The following HSDL1 variants were observed in gnomAD, a reference collection of about 807,000 sequenced individuals.
The protein encoded by HSDL1 is inactive hydroxysteroid dehydrogenase-like protein 1.
A neutral mutation model predicts 31.5 loss-of-function variants in HSDL1; 29 were observed. The observed-to-expected ratio is 0.92, with a 90% CI of 0.69 to 1.26. The LOEUF is 1.26. Ranked by LOEUF, HSDL1 falls within the 50% of genes most tolerant of loss-of-function variation. HSDL1 has a pLI of 0.00. For missense variants in HSDL1, 503 were observed against 416.6 expected (o/e 1.21, Z -1.81); for synonymous variants, 222 against 155.2 (o/e 1.43, Z -3.20).
Position 84,135,110 on chromosome 16 carries a change from G to A in HSDL1, c.-7+434C>T, listed in dbSNP as rs555322041. On this transcript the variant is annotated intron_variant, in intron 2 of 5. Transcript: ENST00000219439. ...TAGCAGGGCGTGGTGGCGGGCACCTGTAGTCCCAGCTACTCAGGAGGCTGA... is the reference window on the plus strand; with the variant it reads ...TAGCAGGGCGTGGTGGCGGGCACCTATAGTCCCAGCTACTCAGGAGGCTGA... 7.2e-5 allele frequency among the ~76,000 whole-genome samples: 11 copies of A among 152,218 alleles called. No individual in the cohort carries two copies. In the South Asian group the frequency reaches 2.3e-3, roughly 32 times the overall value.
intron 1 of HSDL1, among the ~76,000 whole-genome samples, chr16:84,142,970 A>G (rs750188685): frequency 6.6e-6 from 1 of 152,222 alleles, no homozygotes; most frequent in Non-Finnish European, 1.5e-5. Context: ...ACGCACAATG[A>G]AGCTGAGCCT....
At chr16:84,135,735 C>G (rs1266232921) in intron 1 of HSDL1, 130 bp from the exon 2 acceptor site, 1 of 152,290 alleles carries the variant, frequency 6.6e-6, no homozygotes, top group Non-Finnish European at 1.5e-5. Flanking sequence ...CGCCATGAAT[C>G]TCTGTAGAGG....
rs541330486 is a variant in HSDL1, at chr16:84,141,016, G to T, written c.-69+4064C>A. On this transcript the variant is annotated intron_variant, in intron 1 of 5. Transcript: ENST00000219439. Reference sequence around the variant, plus strand: ...TGAGGCAGGAGAATGGCGTGAACCCGGAAGGCGGAGCTTGCAGTGAGCGGA... The same window carrying T: ...TGAGGCAGGAGAATGGCGTGAACCCTGAAGGCGGAGCTTGCAGTGAGCGGA... 2.6e-5 allele frequency among the ~76,000 whole-genome samples: 4 copies of T among 151,044 alleles called. No individual in the cohort carries two copies. In the East Asian group the frequency reaches 7.7e-4, roughly 29 times the overall value.
intron 1 of HSDL1, among the ~76,000 whole-genome samples, chr16:84,137,840 C>T (rs1480981032): frequency 1.3e-5 from 2 of 152,230 alleles, no homozygotes; most frequent in African/African-American, 4.8e-5. Context: ...ACATTTAAGC[C>T]TAGAAGTCCA....
At chr16:84,142,778 G>C (rs921262197) in intron 1 of HSDL1, among the ~76,000 whole-genome samples, 4 of 152,102 alleles carry the variant, frequency 2.6e-5, no homozygotes, top group Admixed American at 2.6e-4. Context: ...TGCTGCTGTA[G>C]ACAACTTTAT....
intron 2 of HSDL1, among the ~76,000 whole-genome samples, chr16:84,133,346 A>G (rs780317155): frequency 9.9e-5 from 15 of 152,250 alleles, no homozygotes; most frequent in Non-Finnish European, 1.3e-4. Context: ...ATAAGGAAAC[A>G]ATCTCTCTAA....
At chr16:84,144,768 G>A (rs570337023) in intron 1 of HSDL1, among the ~76,000 whole-genome samples, 2 of 151,402 alleles carry the variant, frequency 1.3e-5, no homozygotes, top group South Asian at 2.1e-4. Flanking sequence ...GAGAGAACAG[G>A]GGTGCAGCGC....
intron 3 of HSDL1, 120 bp downstream of exon 3, chr16:84,130,982 C>A (rs1313645895): frequency 2.5e-6 from 2 of 787,940 alleles, no homozygotes; most frequent in African/African-American, 1.7e-5. Context: ...ACGGCAGGAG[C>A]CATAAGTTTT....
At chr16:84,126,989 AAG>A (rs2086613974) in intron 5 of HSDL1, among the ~76,000 whole-genome samples, 1 of 152,222 alleles carries the variant, frequency 6.6e-6, no homozygotes, top group African/African-American at 2.4e-5. Flanking sequence ...ATACATTCTC[AAG>A]GAAAGTTTAT....
At position 84,134,312 on chromosome 16, in the gene HSDL1, C is replaced by G. The variant is rs547904923; in HGVS notation, c.-7+1232G>C. 2.0e-5 allele frequency among the ~76,000 whole-genome samples: 3 copies of G among 152,102 alleles called. No homozygotes were observed. In the South Asian group the frequency reaches 6.2e-4, roughly 32 times the overall value. On this transcript the variant is annotated intron_variant, in intron 2 of 5. Transcript: ENST00000219439. ...AAAGACAGGCCCAAAACATTAATAT[C>G]CTATAAGAACATTAAAAACTGACAT...
intron 1 of HSDL1, among the ~76,000 whole-genome samples, chr16:84,144,790 G>A (rs1597385166): frequency 6.6e-6 from 1 of 150,958 alleles, no homozygotes; most frequent in Admixed American, 6.6e-5. Flanking sequence ...GCGGCGGGGG[G>A]CGTGAGGATG....
chr16:84,122,325 T>C lies in HSDL1; in HGVS notation c.*2305A>G, dbSNP rs1399853447. The C allele has an allele frequency of 6.6e-6, 1 of 152,420 alleles. No homozygotes were observed. Among genetic ancestry groups the C allele is most frequent in the African/African-American group, 2.4e-5 (1 of 41,378 alleles). 9.4% of individuals were successfully genotyped at this position (152,420 alleles called of 1,614,324 possible). A position where few individuals can be genotyped will look rare whatever the true frequency, so the allele number is the denominator to read the frequency against. On this transcript the variant is annotated 3_prime_UTR_variant, in exon 6 of 6. Transcript: ENST00000219439. ...CTACTTTTATTGTTAAACTTTCAATTCACAGATTAACTTTCAAAGGTTCAT... is the reference window on the plus strand; with the variant it reads ...CTACTTTTATTGTTAAACTTTCAATCCACAGATTAACTTTCAAAGGTTCAT...
chr16:84,137,397 G>C (rs936109977), intron 1 of HSDL1, among the ~76,000 whole-genome samples: 1 of 152,248 alleles, frequency 6.6e-6, no homozygotes, highest in Non-Finnish European at 1.5e-5. Context: ...GCGTGAAGGA[G>C]ACTGGGAGAG....
intron 1 of HSDL1, among the ~76,000 whole-genome samples, chr16:84,140,741 C>T (rs901909467): frequency 6.6e-6 from 1 of 152,168 alleles, no homozygotes; most frequent in Non-Finnish European, 1.5e-5. Context: ...CTCCTAAATT[C>T]TGGGGTAGTC....
At position 84,124,631 on chromosome 16, in the gene HSDL1, C is replaced by T. The variant is rs780903895; in HGVS notation, c.992G>A (p.Ter331=). The change falls in exon 6 of 6, where the codon TGA becomes TAA. Residue 331 remains the stop codon, a stop_retained_variant. Transcript: ENST00000219439. The part of the protein sequence containing the change: ...LRKEALSCTA[*] ...AACTTCTCAAGTGGCCATCCAGACTCAGGCTGTGCAGGATAAGGCTTCCTT... is the reference window on the plus strand; with the variant it reads ...AACTTCTCAAGTGGCCATCCAGACTTAGGCTGTGCAGGATAAGGCTTCCTT... 15 of 1,607,132 alleles carry T rather than the reference C, an allele frequency of 9.3e-6. No homozygotes were observed. The highest frequency in any genetic ancestry group is 1.2e-5 in the Non-Finnish European group (14 of 1,173,674).
intron 1 of HSDL1, among the ~76,000 whole-genome samples, chr16:84,136,550 A>T (rs2086714206): frequency 6.6e-6 from 1 of 152,212 alleles, no homozygotes. Context: ...AATTCCTTTG[A>T]TCCTTTACAG....
intron 3 of HSDL1, 138 bp downstream of exon 3, chr16:84,130,964 A>C: frequency 1.4e-6 from 1 of 712,390 alleles, no homozygotes; most frequent in Non-Finnish European, 2.4e-6. Flanking sequence ...TGAAATGTGA[A>C]CATAATCACG....
At chr16:84,139,129 C>CA (rs2086740848) in intron 1 of HSDL1, 1 of 152,304 alleles carries the variant, frequency 6.6e-6, no homozygotes, top group African/African-American at 2.4e-5. Flanking sequence ...GAAAAAAAGA[C>CA]AATCAAAGCA....
intron 5 of HSDL1, 109 bp from the exon 6 acceptor site, chr16:84,124,837 C>T (rs1407469470): frequency 1.5e-6 from 1 of 664,332 alleles, no homozygotes; most frequent in Non-Finnish European, 2.7e-6. Flanking sequence ...AAATACCCAC[C>T]AATCAATCAC....
Sources: allele counts gnomAD v4.1 joint callset (sites outside exome capture counted in the v4.1 genomes callset), GRCh38; gene constraint gnomAD v4.1.1; transcripts MANE v1.5; gene names NCBI Gene and HGNC (gene_info 2026-07-23, HGNC 2026-07-21).